Variants in IRAK1BP1 observed in about 807,000 individuals in gnomAD.
IRAK1BP1 encodes interleukin 1 receptor associated kinase 1 binding protein 1.
In IRAK1BP1, 24 loss-of-function variants were observed where a neutral mutation model predicts 28.0. The observed-to-expected ratio is 0.86, with a 90% CI of 0.62 to 1.20. IRAK1BP1 has a LOEUF of 1.20. Ranked by LOEUF, IRAK1BP1 falls within the 50% of genes most tolerant of loss-of-function variation. The probability of loss-of-function intolerance (pLI) is 0.00; values close to 1 mark genes in which losing one functional copy is unlikely to be tolerated. For missense variants in IRAK1BP1, 336 were observed against 316.7 expected, an observed-to-expected ratio of 1.06 and a Z score of -0.46; for synonymous variants, 131 against 116.3, an observed-to-expected ratio of 1.13 and a Z score of -0.81.
At chr6:78,878,090 A>G (rs1397984388) in intron 1 of IRAK1BP1, among the ~76,000 whole-genome samples, 2 of 152,188 alleles carry the variant, frequency 1.3e-5, no homozygotes, top group African/African-American at 2.4e-5. Context: ...AACAAAAGGC[A>G]GCAGAAACTT....
chr6:78,957,110 C>CT, the IRAK1BP1 span: 1 of 151,954 alleles, frequency 6.6e-6, no homozygotes, highest in African/African-American at 2.4e-5. Context: ...AATACAAATG[C>CT]TTTAAGTATT....
chr6:78,874,596 CT>C lies in IRAK1BP1; in HGVS notation c.315+6706del, dbSNP rs542653325. ...TACTCTTCTGAAAAAAATTCCCTGTCTGCAAGGAACAGAGGGACATTTTAAG... is the reference window on the plus strand; with the variant it reads ...TACTCTTCTGAAAAAAATTCCCTGTCGCAAGGAACAGAGGGACATTTTAAG... On this transcript the variant is annotated intron_variant, in intron 1 of 3. Coordinates refer to ENST00000369940, the MANE Select transcript of IRAK1BP1 (RefSeq NM_001010844.4). 5.8e-3 allele frequency among the ~76,000 whole-genome samples: 882 copies of C among 152,222 alleles called. 13 individuals are homozygous for C. The highest frequency in any genetic ancestry group is 0.02 in the African/African-American group (838 of 41,546).
At chr6:78,915,194 C>T (rs148125874) in intron 4 of IRAK1BP1, among the ~76,000 whole-genome samples, 19 of 152,266 alleles carry the variant, frequency 1.2e-4, no homozygotes, top group African/African-American at 4.3e-4. Flanking sequence ...CTTCTGGCCA[C>T]ATGATATGGA....
chr6:78,959,337 T>C, the IRAK1BP1 span, among the ~76,000 whole-genome samples: 25 of 152,116 alleles, frequency 1.6e-4, no homozygotes, highest in African/African-American at 5.6e-4. Flanking sequence ...TATCTAATTG[T>C]GGACATAGAA....
rs149592176 is a variant in IRAK1BP1 at position 78,918,748 on chromosome 6, A to G, written c.*67+15638A>G. On this transcript the variant is annotated intron_variant and NMD_transcript_variant, in intron 4 of 4. Transcript: ENST00000606868. ...ATAACAAGACTTAGACAGCCACACA[A>G]TAATAGTGGGGGACTTCAACACCCT... is the stretch of plus-strand genomic sequence containing the variant. Among the ~76,000 whole-genome samples, 3 of 152,312 alleles carry G rather than the reference A, an allele frequency of 2.0e-5. No homozygotes were observed. In the East Asian group the frequency reaches 5.8e-4, roughly 29 times the overall value.
At chr6:78,878,012 G>A (rs1771075353) in intron 1 of IRAK1BP1, among the ~76,000 whole-genome samples, 1 of 152,008 alleles carries the variant, frequency 6.6e-6, no homozygotes, top group Non-Finnish European at 1.5e-5. Flanking sequence ...AAACTGGGTG[G>A]ATCCCACCAC....
chr6:78,963,944 T>C, the IRAK1BP1 span, among the ~76,000 whole-genome samples: 1 of 151,018 alleles, frequency 6.6e-6, no homozygotes, highest in East Asian at 1.9e-4. Flanking sequence ...TATGAATGTG[T>C]ATCCAAATAG....
intron 4 of IRAK1BP1, among the ~76,000 whole-genome samples, chr6:78,918,578 T>TA (rs58669467): frequency 0.23 from 15,224 of 66,720 alleles, 1,680 homozygotes; most frequent in Admixed American, 0.28. Flanking sequence ...CCAAAAACAG[T>TA]AAAAAAAAAA....
At chr6:78,929,404 C>T (rs1772982056) in intron 4 of IRAK1BP1, among the ~76,000 whole-genome samples, 3 of 152,152 alleles carry the variant, frequency 2.0e-5, no homozygotes, top group Admixed American at 1.3e-4. Flanking sequence ...GGATGCACCC[C>T]AAGGCCACTG....
the IRAK1BP1 span, chr6:78,956,228 A>G: frequency 1.3e-5 from 2 of 152,092 alleles, no homozygotes; most frequent in African/African-American, 4.8e-5. Flanking sequence ...CTTTAACAAC[A>G]TATCATTCTT....
chr6:78,873,468 C>A (rs113093688), intron 1 of IRAK1BP1, among the ~76,000 whole-genome samples: 95 of 151,788 alleles, frequency 6.3e-4, no homozygotes, highest in African/African-American at 2.2e-3. Context: ...TCTTCTCAAG[C>A]ATAAAGCTAT....
intron 1 of IRAK1BP1, among the ~76,000 whole-genome samples, chr6:78,872,358 G>C (rs1770823208): frequency 6.6e-6 from 1 of 152,142 alleles, no homozygotes; most frequent in Non-Finnish European, 1.5e-5. Context: ...AAGATAAGAA[G>C]TAGTGGCAAC....
intron 4 of IRAK1BP1, among the ~76,000 whole-genome samples, chr6:78,921,683 C>A (rs1772733757): frequency 6.6e-6 from 1 of 152,194 alleles, no homozygotes; most frequent in African/African-American, 2.4e-5. Flanking sequence ...CCAGTAGGGG[C>A]AGACTGACAC....
chr6:78,978,521 AT>A, the IRAK1BP1 span: 1 of 1,267,076 alleles, frequency 7.9e-7, no homozygotes, highest in Non-Finnish European at 1.1e-6. Flanking sequence ...CCAGAAGTCT[AT>A]TTCAAGAGCT....
At chr6:78,877,354 A>G (rs1272597969) in intron 1 of IRAK1BP1, among the ~76,000 whole-genome samples, 1 of 152,206 alleles carries the variant, frequency 6.6e-6, no homozygotes, top group African/African-American at 2.4e-5. Context: ...TCTGATTGTC[A>G]ACAGGCAATT....
At chr6:78,885,006 A>G (rs561092266) in intron 1 of IRAK1BP1, among the ~76,000 whole-genome samples, 1 of 152,224 alleles carries the variant, frequency 6.6e-6, no homozygotes, top group South Asian at 2.1e-4. Context: ...ATTTCTTTTT[A>G]GATAAAAAGC....
chr6:78,888,431 C>G (rs1041054563), intron 2 of IRAK1BP1, among the ~76,000 whole-genome samples: 1 of 152,040 alleles, frequency 6.6e-6, no homozygotes, highest in Non-Finnish European at 1.5e-5. Flanking sequence ...GATAGTATCA[C>G]AGGTGTATGC....
At chr6:78,910,730 C>G (rs371099966) in intron 4 of IRAK1BP1, among the ~76,000 whole-genome samples, 1 of 152,268 alleles carries the variant, frequency 6.6e-6, no homozygotes, top group African/African-American at 2.4e-5. Flanking sequence ...CCGCAAGGAC[C>G]GCGGATGCTT....
In IRAK1BP1 at chr6:78,897,750, C is replaced by CT. The variant is rs981192690; in HGVS notation, c.382-72dup. The CT allele has an allele frequency of 7.7e-6, 10 of 1,295,876 alleles. No homozygotes were observed. The African/African-American group carries it at 1.2e-4, about 15-fold the overall frequency. The allele number at this position is 1,295,876 out of a possible 1,614,324, so 80.3% of individuals were successfully genotyped here. ...AAAATGACCTCATAGTCTGGCTATACTTTTTTTACTTACATGTAGAGAAAA... is the reference window on the plus strand; with the variant it reads ...AAAATGACCTCATAGTCTGGCTATACTTTTTTTTACTTACATGTAGAGAAAA... On this transcript the variant is annotated intron_variant, in intron 2 of 3. Coordinates refer to ENST00000369940, the MANE Select transcript of IRAK1BP1 (RefSeq NM_001010844.4).
Sources: gnomAD v4.1 joint callset for allele counts (sites outside exome capture counted in the v4.1 genomes callset) on GRCh38, gnomAD v4.1.1 for gene constraint, MANE v1.5 for transcripts, NCBI Gene and HGNC (gene_info 2026-07-23, HGNC 2026-07-21) for gene names.